Variants in RAB26 observed in about 807,000 individuals in gnomAD.
RAB26 encodes ras-related protein Rab-26.
In RAB26, 39 loss-of-function variants were observed where a neutral mutation model predicts 33.1. That is an observed-to-expected ratio of 1.18 (90% CI 0.91 to 1.54). RAB26 has a LOEUF of 1.54. RAB26 is among the 40% of genes most tolerant of loss of function. The probability of loss-of-function intolerance (pLI) is 0.00; values close to 1 mark genes in which losing one functional copy is unlikely to be tolerated. For missense variants in RAB26, 468 were observed against 362.9 expected (o/e 1.29, Z -2.35); for synonymous variants, 192 against 151.9 (o/e 1.26, Z -1.94).
At position 2,149,956 on chromosome 16, in the gene RAB26, G is replaced by A; in HGVS notation, c.211G>A (p.Asp71Asn). 1 of 1,537,856 alleles carries A rather than the reference G, an allele frequency of 6.5e-7. No homozygotes were observed. The highest frequency in any genetic ancestry group is 8.8e-7 in the Non-Finnish European group (1 of 1,140,468). ...DVAFKVMLVG[D>N]SGVGKTCLLV... ...CTTGTCCTAGGTCATGCTGGTGGGG[G>A]ACTCGGGTGTGGGGAAGACCTGTCT... The change falls in exon 2 of 9, where the codon GAC (aspartate) becomes AAC (asparagine). Residue 71 changes from aspartate to asparagine, a missense_variant. Coordinates refer to ENST00000210187, the MANE Select transcript of RAB26 (RefSeq NM_014353.5).
chr16:2,152,008 G>A (rs1455500914), intron 5 of RAB26, 100 bp downstream of exon 5: 4 of 1,465,028 alleles, frequency 2.7e-6, no homozygotes, highest in Non-Finnish European at 2.8e-6. Context: ...GGACCCCGCT[G>A]AGAGAGGGGA....
In RAB26 at chr16:2,153,393, G is replaced by A; in HGVS notation, c.743G>A (p.Gly248Asp). ...CTGCATGATTACGTTAAGAGGGAGG[G>A]TCGAGGGGCCTCCTGCTGCCGCCCT... ...FRLHDYVKRE[G>D]RGASCCRP The change falls in exon 9 of 9, where the codon GGT becomes GAT. Residue 248 changes from glycine to aspartate, a missense_variant. Coordinates refer to ENST00000210187, the MANE Select transcript of RAB26 (RefSeq NM_014353.5). 2 of 1,611,936 alleles carry A rather than the reference G, an allele frequency of 1.2e-6. No individual in the cohort carries two copies. The highest frequency in any genetic ancestry group is 8.5e-7 in the Non-Finnish European group (1 of 1,178,620).
chr16:2,150,747 T>C (rs1224845082), intron 2 of RAB26, among the ~76,000 whole-genome samples: 1 of 151,566 alleles, frequency 6.6e-6, no homozygotes, highest in East Asian at 1.9e-4. Context: ...GGGCAGGTGG[T>C]AAGAGGTGAG....
At chr16:2,152,691 C>CT (rs2093009315) in intron 5 of RAB26, 129 bp from the exon 6 acceptor site, 6 of 547,340 alleles carry the variant, frequency 1.1e-5, no homozygotes, top group African/African-American at 4.5e-5. Flanking sequence ...AGACTCTTGT[C>CT]TCAAAAAAAA....
chr16:2,148,648 ATGC>A lies in RAB26; in HGVS notation c.-135_-133del, dbSNP rs2092993749. The A allele has an allele frequency of 3.9e-6, 1 of 254,914 alleles. No homozygotes were observed. 15.8% of individuals were successfully genotyped at this position (254,914 alleles called of 1,614,324 possible). ...GGGCGCGAGCCGGGCGCCCGGGATG[ATGC>A]CGCCGCCGCCGCCGCCGCCGCCGCC... On this transcript the variant is annotated 5_prime_UTR_variant, in exon 1 of 9. The change abolishes an upstream ATG in the 5' untranslated region. Coordinates refer to ENST00000210187, the MANE Select transcript of RAB26 (RefSeq NM_014353.5).
At chr16:2,151,268 C>T (rs904791241) in intron 2 of RAB26, 46 of 573,714 alleles carry the variant, frequency 8.0e-5, no homozygotes, top group Non-Finnish European at 3.9e-5. Context: ...CGTTGCAGCT[C>T]GTTAGTTACT....
chr16:2,153,844 C>T lies in RAB26; in HGVS notation c.*423C>T, dbSNP rs1453192735. 1 of 460,422 alleles carries T rather than the reference C, an allele frequency of 2.2e-6. No individual in the cohort carries two copies. The highest frequency in any genetic ancestry group is 2.0e-5 in the African/African-American group (1 of 50,284). The allele number at this position is 460,422 out of a possible 1,614,324, so 28.5% of individuals were successfully genotyped here. A position where few individuals can be genotyped will look rare whatever the true frequency, so the allele number is the denominator to read the frequency against. On this transcript the variant is annotated 3_prime_UTR_variant, in exon 9 of 9. Coordinates refer to ENST00000210187, the MANE Select transcript of RAB26 (RefSeq NM_014353.5). ...CCCACGCCTGGGACAGAAGGCTTCA[C>T]TGCTAATCACATCGTGCATCTGTGT...
In RAB26 at chr16:2,148,855, C is replaced by T. The variant is rs2092995089; in HGVS notation, c.72C>T (p.Asn24=). 2.8e-6 allele frequency: 4 copies of T among 1,410,210 alleles called. No individual in the cohort carries two copies. In the East Asian group the frequency reaches 9.1e-5, roughly 32 times the overall value. The allele number at this position is 1,410,210 out of a possible 1,614,324, so 87.4% of individuals were successfully genotyped here. A position where few individuals can be genotyped will look rare whatever the true frequency, so the allele number is the denominator to read the frequency against. The change falls in exon 1 of 9, where the codon AAC becomes AAT. Residue 24 remains asparagine (N), a synonymous_variant. Coordinates refer to ENST00000210187, the MANE Select transcript of RAB26 (RefSeq NM_014353.5). ...TPAASTLPTA[N]GARPARSGTA... The stretch of plus-strand genomic sequence containing the variant: ...CTGCCTCCACGCTGCCCACCGCCAA[C>T]GGGGCCCGACCGGCGCGCTCCGGGA...
Position 2,153,338 on chromosome 16 carries a change from A to G in RAB26, c.688A>G (p.Met230Val). 1 of 1,613,528 alleles carries G rather than the reference A, an allele frequency of 6.2e-7. No individual in the cohort carries two copies. Among genetic ancestry groups the G allele is most frequent in the Non-Finnish European group, 8.5e-7 (1 of 1,180,012 alleles). ...AIAKELKQRS[M>V]KAPSEPRFRL... is the part of the protein sequence containing the mutation. ...CCGCAGGGAGTTGAAGCAGCGCTCC[A>G]TGAAGGCTCCCAGCGAGCCGCGCTT... Residue 230 changes from methionine (M) to valine (V), a missense_variant, in exon 9 of 9, where the codon ATG becomes GTG. By Grantham distance (21) the Met-to-Val change is conservative (BLOSUM62 1). Coordinates refer to ENST00000210187, the MANE Select transcript of RAB26 (RefSeq NM_014353.5).
rs2093009533 is a variant in RAB26 at position 2,152,705 on chromosome 16, A to AC, written c.469-115_469-114insC. 5 of 782,062 alleles carry AC rather than the reference A, an allele frequency of 6.4e-6. No individual in the cohort carries two copies. In the East Asian group the frequency reaches 1.5e-4, roughly 24 times the overall value. 48.4% of individuals were successfully genotyped at this position (782,062 alleles called of 1,614,324 possible). ...GAGACTCTTGTCTCAAAAAAAAAAA[A>AC]AAAAAAAAAAAGATAAAGACAGGTG... is the stretch of plus-strand genomic sequence containing the variant. On this transcript the variant is annotated intron_variant, in intron 5 of 8. Coordinates refer to ENST00000210187, the MANE Select transcript of RAB26 (RefSeq NM_014353.5).
At chr16:2,151,668 C>G (rs774852413) in intron 3 of RAB26, 27 bp from the exon 4 acceptor site, 4 of 1,614,026 alleles carry the variant, frequency 2.5e-6, no homozygotes, top group Non-Finnish European at 3.4e-6. Context: ...AAGGGCTGGA[C>G]AGCCTGACCA....
chr16:2,152,877 G>A lies in RAB26; in HGVS notation c.526G>A (p.Gly176Arg). The change falls in exon 6 of 9, where the codon GGG (glycine) becomes AGG (arginine). Residue 176 changes from glycine to arginine, a missense_variant. Transcript: ENST00000210187. The stretch of plus-strand genomic sequence containing the variant: ...GCACGACGTGGCGCTCATGCTGCTG[G>A]GGAACAAGGTGGGAGGCCCGGCTGT... ...AQHDVALMLL[G>R]NKVDSAHERV... The A allele has an allele frequency of 6.2e-7, 1 of 1,606,430 alleles. No individual in the cohort carries two copies. Among genetic ancestry groups the A allele is most frequent in the Non-Finnish European group, 8.5e-7 (1 of 1,176,276 alleles).
Position 2,151,919 on chromosome 16 carries a change from T to C in RAB26, c.468+11T>C, listed in dbSNP as rs201315481. The C allele has an allele frequency of 2.1e-4, 341 of 1,614,102 alleles. No individual in the cohort carries two copies. Among genetic ancestry groups the C allele is most frequent in the Middle Eastern group, 3.3e-4 (2 of 6,062 alleles). ...TTTGACAACATCCAGGTCAGTGGCT[T>C]TCCTGGTGGGGTGAAAGGGCCCTGA... On this transcript the variant is annotated intron_variant, in intron 5 of 8. Transcript: ENST00000210187.
At position 2,153,610 on chromosome 16, in the gene RAB26, C is replaced by T. The variant is rs146827013; in HGVS notation, c.*189C>T. 141 of 668,190 alleles carry T rather than the reference C, an allele frequency of 2.1e-4. 1 individual carries two copies. In the East Asian group the frequency reaches 3.1e-3, roughly 15 times the overall value. 41.4% of individuals were successfully genotyped at this position (668,190 alleles called of 1,614,324 possible). ...CCCAACAAGCAGGCTTCTGAGAGCC[C>T]GTGGCCGCACACTGGCCGCCACGGA... is the stretch of plus-strand genomic sequence containing the variant. On this transcript the variant is annotated 3_prime_UTR_variant, in exon 9 of 9. Coordinates refer to ENST00000210187, the MANE Select transcript of RAB26 (RefSeq NM_014353.5).
At chr16:2,151,995 A>T in intron 5 of RAB26, 87 bp downstream of exon 5, 4 of 1,540,238 alleles carry the variant, frequency 2.6e-6, no homozygotes, top group Non-Finnish European at 3.6e-6. Flanking sequence ...TCAGGGTTCC[A>T]AAGGACCCCG....
At chr16:2,150,986 G>A (rs894834849) in intron 2 of RAB26, 3 of 330,032 alleles carry the variant, frequency 9.1e-6, no homozygotes, top group South Asian at 4.5e-5. Flanking sequence ...CCTGCCTTAC[G>A]TCTAATCGTT....
Position 2,151,564 on chromosome 16 carries a change from T to C in RAB26, c.307-5T>C. The C allele has an allele frequency of 6.2e-7, 1 of 1,613,800 alleles. No homozygotes were observed. Among genetic ancestry groups the C allele is most frequent in the Middle Eastern group, 1.7e-4 (1 of 6,054 alleles). On this transcript the variant is annotated splice_polypyrimidine_tract_variant and splice_region_variant and intron_variant, in intron 2 of 8. Coordinates refer to ENST00000210187, the MANE Select transcript of RAB26 (RefSeq NM_014353.5). ...GCCAGAGCTGCCTGGTTCTGTCTGT[T>C]TCAGAACAAAGTTCTGGACGTGGAT...
Position 2,153,241 on chromosome 16 carries a change from C to T in RAB26, c.668+19C>T. 1 of 1,613,728 alleles carries T rather than the reference C, an allele frequency of 6.2e-7. No individual in the cohort carries two copies. Among genetic ancestry groups the T allele is most frequent in the Non-Finnish European group, 8.5e-7 (1 of 1,179,992 alleles). ...TAGCAAAGTAAGTCCTGCCAGTCACCAGGACTCCCCCAGCCCAGGGCCTGA... is the reference window on the plus strand; with the variant it reads ...TAGCAAAGTAAGTCCTGCCAGTCACTAGGACTCCCCCAGCCCAGGGCCTGA... On this transcript the variant is annotated intron_variant, in intron 8 of 8. Coordinates refer to ENST00000210187, the MANE Select transcript of RAB26 (RefSeq NM_014353.5).
Position 2,153,454 on chromosome 16 carries a change from GT to G in RAB26, c.*34del. 1 of 1,599,304 alleles carries G rather than the reference GT, an allele frequency of 6.3e-7. No homozygotes were observed. The highest frequency in any genetic ancestry group is 8.6e-7 in the Non-Finnish European group (1 of 1,168,012). Reference sequence around the variant, plus strand: ...TGAGCTCAGTCCTCTGGAGGAAGCCGTCCAGTCCCTAGAAGGCTGGACAGAG... The same window carrying G: ...TGAGCTCAGTCCTCTGGAGGAAGCCGCCAGTCCCTAGAAGGCTGGACAGAG... On this transcript the variant is annotated 3_prime_UTR_variant, in exon 9 of 9. Transcript: ENST00000210187.
Sources: gnomAD v4.1 joint callset for allele counts (sites outside exome capture counted in the v4.1 genomes callset) on GRCh38, gnomAD v4.1.1 for gene constraint, MANE v1.5 for transcripts, NCBI Gene and HGNC (gene_info 2026-07-23, HGNC 2026-07-21) for gene names.